Variants in DSCAM observed in about 807,000 individuals in gnomAD.
DSCAM encodes DS cell adhesion molecule.
Under a neutral mutation model 217.7 loss-of-function variants are expected in DSCAM, and 47 were observed. The observed-to-expected ratio is 0.22, with a 90% CI of 0.17 to 0.28. The LOEUF is 0.28. Among genes scored for constraint, DSCAM ranks in the 10% least tolerant of loss-of-function variants. DSCAM has a pLI of 1.00. For synonymous variants in DSCAM, 1,056 were observed against 1,015.3 expected (o/e 1.04, Z -0.76); for missense variants, 2,080 against 2,618.3 (o/e 0.79, Z 4.49).
At position 40,583,786 on chromosome 21, in the gene DSCAM, G is replaced by A. The variant is rs147447526; in HGVS notation, c.508+109024C>T. Among the ~76,000 whole-genome samples, 52 of 152,090 alleles carry A rather than the reference G, an allele frequency of 3.4e-4. 1 individual carries two copies. Among genetic ancestry groups the A allele is most frequent in the African/African-American group, 9.9e-4 (41 of 41,480 alleles). On this transcript the variant is annotated intron_variant, in intron 3 of 32. Coordinates refer to ENST00000400454, the MANE Select transcript of DSCAM (RefSeq NM_001389.5). ...TTGATAACAAATGTACCACTCTTGCGGGGGATGCTGATAACAAGGGAGGCT... is the reference window on the plus strand; with the variant it reads ...TTGATAACAAATGTACCACTCTTGCAGGGGATGCTGATAACAAGGGAGGCT...
intron 11 of DSCAM, among the ~76,000 whole-genome samples, chr21:40,199,235 C>T (rs970949431): frequency 2.0e-5 from 3 of 152,168 alleles, no homozygotes; most frequent in African/African-American, 7.2e-5. Flanking sequence ...AACCTGTGGT[C>T]CCTATTCCTT....
chr21:40,614,917 T>C lies in DSCAM; in HGVS notation c.508+77893A>G, dbSNP rs146406635. Among the ~76,000 whole-genome samples the C allele has an allele frequency of 4.6e-4, 70 of 152,166 alleles. No individual in the cohort carries two copies. The East Asian group carries it at 9.6e-3, about 21-fold the overall frequency. Reference sequence around the variant, plus strand: ...ATGCATCTCTATATACACACACTTATGCCACATGTATAAATATATATTTAT... The same window carrying C: ...ATGCATCTCTATATACACACACTTACGCCACATGTATAAATATATATTTAT... On this transcript the variant is annotated intron_variant, in intron 3 of 32. Coordinates refer to ENST00000400454, the MANE Select transcript of DSCAM (RefSeq NM_001389.5).
intron 11 of DSCAM, among the ~76,000 whole-genome samples, chr21:40,194,322 C>T (rs73364154): frequency 0.059 from 8,916 of 152,246 alleles, 612 homozygotes; most frequent in African/African-American, 0.17. Flanking sequence ...GAATCATTAC[C>T]ATGGCTTCTT....
intron 1 of DSCAM, among the ~76,000 whole-genome samples, chr21:40,842,635 G>A (rs2092112474): frequency 6.6e-6 from 1 of 151,970 alleles, no homozygotes; most frequent in African/African-American, 2.4e-5. Context: ...GTCTCTTGTC[G>A]AAATACTCCG....
chr21:40,567,919 C>T (rs2076777406), intron 3 of DSCAM, among the ~76,000 whole-genome samples: 1 of 152,056 alleles, frequency 6.6e-6, no homozygotes, highest in African/African-American at 2.4e-5. Context: ...AAAACTACCA[C>T]TCTTGATCTA....
At chr21:40,737,414 G>A (rs2091075537) in intron 1 of DSCAM, among the ~76,000 whole-genome samples, 1 of 152,128 alleles carries the variant, frequency 6.6e-6, no homozygotes, top group African/African-American at 2.4e-5. Flanking sequence ...GAAGCAGGTG[G>A]ATCACCTGAG....
intron 3 of DSCAM, among the ~76,000 whole-genome samples, chr21:40,652,464 G>T (rs2090027169): frequency 6.6e-6 from 1 of 152,138 alleles, no homozygotes; most frequent in Non-Finnish European, 1.5e-5. Flanking sequence ...AAAGCTATGT[G>T]ATCAGCCAGA....
chr21:40,764,313 A>G, intron 1 of DSCAM, among the ~76,000 whole-genome samples: 1 of 144,378 alleles, frequency 6.9e-6, no homozygotes, highest in Non-Finnish European at 1.5e-5. Context: ...TCAAAAGAAG[A>G]TATTTATGCC....
intron 3 of DSCAM, among the ~76,000 whole-genome samples, chr21:40,467,237 C>G (rs1443159177): frequency 6.6e-6 from 1 of 152,142 alleles, no homozygotes; most frequent in African/African-American, 2.4e-5. Context: ...ATTTTATTTG[C>G]CTTTGCCTCT....
At chr21:40,290,035 G>A (rs561210403) in intron 10 of DSCAM, among the ~76,000 whole-genome samples, 4 of 152,204 alleles carry the variant, frequency 2.6e-5, no homozygotes, top group African/African-American at 9.6e-5. Context: ...AGACCTTGCT[G>A]GGGAAAAGAC....
At chr21:40,737,761 C>G (rs948291761) in intron 1 of DSCAM, among the ~76,000 whole-genome samples, 2 of 152,212 alleles carry the variant, frequency 1.3e-5, no homozygotes, top group Non-Finnish European at 1.5e-5. Context: ...GCATCTCATT[C>G]TCTGCTGGCT....
chr21:40,339,526 C>A, intron 6 of DSCAM, 111 bp from the exon 7 acceptor site: 1 of 1,132,044 alleles, frequency 8.8e-7, no homozygotes, highest in Non-Finnish European at 1.2e-6. Flanking sequence ...TAAACATTAC[C>A]AAAAAGGTCT....
intron 3 of DSCAM, among the ~76,000 whole-genome samples, chr21:40,481,382 C>T (rs564592458): frequency 4.0e-5 from 6 of 151,730 alleles, no homozygotes; most frequent in South Asian, 2.1e-4. Context: ...CCCAGCTACT[C>T]GGGAGGCTGA....
chr21:40,375,892 C>A (rs886188448), intron 3 of DSCAM, among the ~76,000 whole-genome samples: 1 of 152,140 alleles, frequency 6.6e-6, no homozygotes, highest in African/African-American at 2.4e-5. Context: ...AGAGTTTGTT[C>A]TCCTCCAGAG....
At chr21:40,086,610 T>C (rs1368200882) in intron 22 of DSCAM, among the ~76,000 whole-genome samples, 2 of 152,210 alleles carry the variant, frequency 1.3e-5, no homozygotes, top group Non-Finnish European at 2.9e-5. Context: ...AATAGAGATA[T>C]AGCACTTTAA....
At chr21:40,633,454 T>C (rs2089718300) in intron 3 of DSCAM, among the ~76,000 whole-genome samples, 1 of 152,110 alleles carries the variant, frequency 6.6e-6, no homozygotes, top group Non-Finnish European at 1.5e-5. Context: ...ATTGCTGTTC[T>C]CAGTAAATAG....
At chr21:40,770,034 A>T (rs2091431042) in intron 1 of DSCAM, among the ~76,000 whole-genome samples, 1 of 152,152 alleles carries the variant, frequency 6.6e-6, no homozygotes, top group Admixed American at 6.5e-5. Flanking sequence ...GCTCTGAATA[A>T]AGTCTGCCTT....
chr21:40,082,533 C>T (rs573020338), intron 24 of DSCAM, among the ~76,000 whole-genome samples: 4 of 87,120 alleles, frequency 4.6e-5, no homozygotes, highest in Non-Finnish European at 7.4e-5. Context: ...TGTGCATCTG[C>T]AGCTGGGTCC....
rs751056061 is a variant in DSCAM at position 40,270,994 on chromosome 21, ACATATCTGCCC to A, written c.2356+5092_2356+5102del. The stretch of plus-strand genomic sequence containing the variant: ...GATGGGTTATTATATGTCAGGCCCA[ACATATCTGCCC>A]TGGCAATGGCAGGGCTTGAGAGTGG... On this transcript the variant is annotated intron_variant, in intron 11 of 32. Transcript: ENST00000400454. 3.6e-3 allele frequency among the ~76,000 whole-genome samples: 555 copies of A among 152,384 alleles called. 4 individuals carry two copies. Among genetic ancestry groups the A allele is most frequent in the Middle Eastern group, 0.02 (6 of 294 alleles).
Sources: allele counts gnomAD v4.1 joint callset (sites outside exome capture counted in the v4.1 genomes callset), GRCh38; gene constraint gnomAD v4.1.1; transcripts MANE v1.5; gene names NCBI Gene and HGNC (gene_info 2026-07-23, HGNC 2026-07-21).